CLVS1: variants seen among roughly 807,000 people sequenced by gnomAD.
The protein encoded by CLVS1 is clavesin 1.
A neutral mutation model predicts 33.1 loss-of-function variants in CLVS1; 10 were observed. The ratio of observed to expected loss-of-function variants is 0.30; its 90% confidence interval spans 0.19 to 0.51. The LOEUF (loss-of-function observed/expected upper bound fraction) is 0.51, where lower values mean the gene tolerates loss of function less well. CLVS1 is among the 20% of genes least tolerant of loss of function. The probability of loss-of-function intolerance (pLI) is 0.97; values close to 1 mark genes in which losing one functional copy is unlikely to be tolerated. For synonymous variants in CLVS1, 163 were observed against 166.1 expected, an observed-to-expected ratio of 0.98 and a Z score of 0.14; for missense variants, 343 against 433.4, an observed-to-expected ratio of 0.79 and a Z score of 1.85.
the CLVS1 span, among the ~76,000 whole-genome samples, chr8:60,986,654 C>T: frequency 6.6e-6 from 1 of 152,216 alleles, no homozygotes; most frequent in Non-Finnish European, 1.5e-5. Flanking sequence ...CTGAAGCGTT[C>T]CAAATTTGTT....
At chr8:61,250,176 T>C (rs1030702751) in intron 2 of CLVS1, among the ~76,000 whole-genome samples, 1 of 152,210 alleles carries the variant, frequency 6.6e-6, no homozygotes, top group African/African-American at 2.4e-5. Context: ...CAATAGGGAA[T>C]CTTTTCCCCA....
intron 2 of CLVS1, among the ~76,000 whole-genome samples, chr8:61,330,016 G>C (rs1398238079): frequency 6.6e-6 from 1 of 152,156 alleles, no homozygotes; most frequent in African/African-American, 2.4e-5. Context: ...CCCATGGTGG[G>C]GAGGGAGGGA....
chr8:61,237,594 G>T (rs1347584820), intron 2 of CLVS1, among the ~76,000 whole-genome samples: 1 of 152,172 alleles, frequency 6.6e-6, no homozygotes, highest in East Asian at 1.9e-4. Flanking sequence ...TTGCGGTCTA[G>T]AGAGGTAAAG....
chr8:61,295,134 T>C (rs776555247), intron 1 of CLVS1, among the ~76,000 whole-genome samples: 3 of 152,190 alleles, frequency 2.0e-5, no homozygotes, highest in Admixed American at 6.5e-5. Flanking sequence ...TGCCGGAGAA[T>C]GTTTGTGAAT....
chr8:61,347,695 C>A (rs1480461231), intron 2 of CLVS1, among the ~76,000 whole-genome samples: 1 of 103,306 alleles, frequency 9.7e-6, no homozygotes, highest in Non-Finnish European at 1.8e-5. Flanking sequence ...CTGAAGTATA[C>A]ATTGTGGAAT....
intron 2 of CLVS1, among the ~76,000 whole-genome samples, chr8:61,156,471 C>G (rs957187771): frequency 1.3e-5 from 2 of 152,068 alleles, no homozygotes; most frequent in Non-Finnish European, 2.9e-5. Flanking sequence ...TCAATAGACT[C>G]AGACTTAAAT....
At chr8:61,066,027 C>CT (rs1258159116) in intron 1 of CLVS1, among the ~76,000 whole-genome samples, 1 of 152,024 alleles carries the variant, frequency 6.6e-6, no homozygotes, top group Non-Finnish European at 1.5e-5. Flanking sequence ...TAAAAACAGT[C>CT]TTTTTTATGT....
intron 3 of CLVS1, among the ~76,000 whole-genome samples, chr8:61,433,787 AC>A (rs1242900940): frequency 6.6e-6 from 1 of 152,040 alleles, no homozygotes; most frequent in African/African-American, 2.4e-5. Context: ...GGTGGCTGGC[AC>A]CTGTAGTCCT....
chr8:61,252,855 G>C (rs1167512909), intron 2 of CLVS1, among the ~76,000 whole-genome samples: 1 of 152,116 alleles, frequency 6.6e-6, no homozygotes, highest in Non-Finnish European at 1.5e-5. Flanking sequence ...CACACTGATG[G>C]GTCTTGGCTC....
Position 61,329,640 on chromosome 8 carries a change from A to G in CLVS1, c.455+29358A>G, listed in dbSNP as rs534704037. Reference sequence around the variant, plus strand: ...CCTAAATAAAGTACATCTATTATGTATCAATAAAAGAAACAAAAACAAATA... The same window carrying G: ...CCTAAATAAAGTACATCTATTATGTGTCAATAAAAGAAACAAAAACAAATA... On this transcript the variant is annotated intron_variant, in intron 2 of 5. Transcript: ENST00000325897. Among the ~76,000 whole-genome samples, 341 of 152,356 alleles carry G rather than the reference A, an allele frequency of 2.2e-3. 2 individuals are homozygous for G. The highest frequency in any genetic ancestry group is 3.7e-3 in the Admixed American group (57 of 15,304).
intron 5 of CLVS1, among the ~76,000 whole-genome samples, chr8:61,481,587 G>A (rs1818197214): frequency 6.6e-6 from 1 of 152,210 alleles, no homozygotes; most frequent in African/African-American, 2.4e-5. Flanking sequence ...CACCCACAGA[G>A]CCTCACTCAC....
the CLVS1 span, among the ~76,000 whole-genome samples, chr8:60,966,722 T>C: frequency 6.6e-6 from 1 of 152,308 alleles, no homozygotes; most frequent in East Asian, 1.9e-4. Context: ...TTAGCAAGAC[T>C]GTTGAATGAA....
At chr8:61,447,884 G>T (rs956937893) in intron 3 of CLVS1, among the ~76,000 whole-genome samples, 3 of 152,034 alleles carry the variant, frequency 2.0e-5, no homozygotes, top group African/African-American at 7.2e-5. Flanking sequence ...TTGTGGAAAG[G>T]TTATTTTATA....
At chr8:61,309,049 G>A (rs1810739312) in intron 2 of CLVS1, among the ~76,000 whole-genome samples, 1 of 152,204 alleles carries the variant, frequency 6.6e-6, no homozygotes, top group Admixed American at 6.5e-5. Context: ...GAGGTAGAGG[G>A]TGGCTCAATG....
intron 2 of CLVS1, among the ~76,000 whole-genome samples, chr8:61,259,057 T>C (rs975723454): frequency 2.6e-5 from 4 of 152,234 alleles, no homozygotes; most frequent in African/African-American, 7.2e-5. Context: ...ATGGTCAAAC[T>C]ACCACAGTAT....
chr8:61,365,074 T>A (rs1265618147), intron 2 of CLVS1, among the ~76,000 whole-genome samples: 4 of 152,184 alleles, frequency 2.6e-5, no homozygotes, highest in African/African-American at 9.7e-5. Context: ...TTCAAAGCAA[T>A]GTAGTACCAA....
At chr8:61,075,611 T>G (rs745394990) in intron 1 of CLVS1, among the ~76,000 whole-genome samples, 1 of 152,234 alleles carries the variant, frequency 6.6e-6, no homozygotes, top group African/African-American at 2.4e-5. Context: ...TATAAGCACC[T>G]AATTATGATT....
intron 2 of CLVS1, among the ~76,000 whole-genome samples, chr8:61,354,722 A>G (rs1812618563): frequency 1.3e-5 from 2 of 152,182 alleles, no homozygotes; most frequent in South Asian, 4.1e-4. Flanking sequence ...AAAAATGCTA[A>G]TCCCTAAACA....
chr8:61,114,692 G>A (rs1174154791), intron 1 of CLVS1, among the ~76,000 whole-genome samples: 1 of 152,072 alleles, frequency 6.6e-6, no homozygotes. Flanking sequence ...TTCTAGAATG[G>A]CCAGAAGAAT....
Sources: gnomAD v4.1 joint callset for allele counts (sites outside exome capture counted in the v4.1 genomes callset) on GRCh38, gnomAD v4.1.1 for gene constraint, MANE v1.5 for transcripts, NCBI Gene and HGNC (gene_info 2026-07-23, HGNC 2026-07-21) for gene names.